The following IRAG2 variants were observed in gnomAD, a reference collection of about 807,000 sequenced individuals.
IRAG2 encodes the protein inositol 1,4,5-triphosphate receptor associated 2.
Under a neutral mutation model 69.9 loss-of-function variants are expected in IRAG2, and 45 were observed. The observed-to-expected ratio is 0.64, with a 90% CI of 0.51 to 0.83. The LOEUF is 0.83. IRAG2 is among the 40% of genes least tolerant of loss of function. IRAG2 has a pLI of 0.00. For synonymous variants in IRAG2, 193 were observed against 202.4 expected, an observed-to-expected ratio of 0.95 and a Z score of 0.40; for missense variants, 520 against 587.0, an observed-to-expected ratio of 0.89 and a Z score of 1.18.
intron 5 of IRAG2, among the ~76,000 whole-genome samples, chr12:25,067,675 A>G (rs972600257): frequency 6.6e-6 from 1 of 151,844 alleles, no homozygotes; most frequent in Admixed American, 6.6e-5. Flanking sequence ...ATTTATTTAA[A>G]TTTATTTTTT....
chr12:25,097,824 A>G (rs1304575919), intron 15 of IRAG2, among the ~76,000 whole-genome samples: 1 of 152,192 alleles, frequency 6.6e-6, no homozygotes, highest in Non-Finnish European at 1.5e-5. Context: ...AAGCCTTACT[A>G]ATTTCCCGTG....
At chr12:25,099,748 T>C (rs941932441) in intron 15 of IRAG2, among the ~76,000 whole-genome samples, 2 of 152,100 alleles carry the variant, frequency 1.3e-5, no homozygotes, top group Non-Finnish European at 2.9e-5. Flanking sequence ...ACGCCTGTAA[T>C]CCTAGCACCT....
intron 6 of IRAG2, among the ~76,000 whole-genome samples, chr12:25,017,730 A>G (rs927771266): frequency 6.7e-5 from 10 of 150,090 alleles, no homozygotes; most frequent in Non-Finnish European, 1.5e-4. Context: ...AAAAAAAACC[A>G]ACAAAAAAAA....
chr12:25,082,735 C>A (rs1478303995), intron 9 of IRAG2, among the ~76,000 whole-genome samples: 1 of 152,036 alleles, frequency 6.6e-6, no homozygotes, highest in African/African-American at 2.4e-5. Context: ...ATAAATTTTA[C>A]AAATATAATA....
chr12:25,012,072 G>A (rs923147038), intron 3 of IRAG2, among the ~76,000 whole-genome samples: 4 of 151,516 alleles, frequency 2.6e-5, no homozygotes, highest in African/African-American at 9.7e-5. Flanking sequence ...GGAGGAGAAG[G>A]GCACCCCATG....
At chr12:25,011,719 A>G (rs1407156007) in intron 3 of IRAG2, among the ~76,000 whole-genome samples, 1 of 152,226 alleles carries the variant, frequency 6.6e-6, no homozygotes, top group Non-Finnish European at 1.5e-5. Context: ...TCCCACCATC[A>G]TGATTCAGCA....
intron 10 of IRAG2, among the ~76,000 whole-genome samples, chr12:25,031,823 C>T (rs867371558): frequency 4.6e-5 from 7 of 152,228 alleles, no homozygotes; most frequent in South Asian, 4.1e-4. Context: ...CCACCACACC[C>T]GGCTAATTTT....
intron 9 of IRAG2, among the ~76,000 whole-genome samples, chr12:25,029,729 G>A (rs528435822): frequency 1.3e-5 from 2 of 151,800 alleles, no homozygotes; most frequent in Admixed American, 6.6e-5. Flanking sequence ...CACCTGGGCT[G>A]AAGTGCAATG....
intron 5 of IRAG2, among the ~76,000 whole-genome samples, chr12:25,016,320 G>C (rs1290224700): frequency 6.6e-6 from 1 of 152,148 alleles, no homozygotes; most frequent in East Asian, 1.9e-4. Flanking sequence ...TAAAGGATTT[G>C]TGAACTGATA....
chr12:25,005,708 G>A (rs890512007), intron 2 of IRAG2, among the ~76,000 whole-genome samples: 7 of 152,178 alleles, frequency 4.6e-5, no homozygotes, highest in Non-Finnish European at 8.8e-5. Flanking sequence ...CAAAATTTTA[G>A]TTAATTTTGG....
At chr12:25,025,275 C>T (rs1037531927) in intron 8 of IRAG2, among the ~76,000 whole-genome samples, 1 of 152,178 alleles carries the variant, frequency 6.6e-6, no homozygotes, top group Non-Finnish European at 1.5e-5. Context: ...CCTTATGAAG[C>T]TAATCCTTTG....
chr12:25,048,830 C>A (rs190928784), upstream of IRAG2, among the ~76,000 whole-genome samples: 3 of 152,288 alleles, frequency 2.0e-5, no homozygotes, highest in East Asian at 5.8e-4. Context: ...GTTGTGAAAT[C>A]TTTGCCTGTG....
chr12:25,002,649 C>CTTTTTT (rs374969962), upstream of IRAG2, among the ~76,000 whole-genome samples: 57 of 145,516 alleles, frequency 3.9e-4, 2 homozygotes, highest in Non-Finnish European at 5.0e-4. Flanking sequence ...TTCTTCTTTT[C>CTTTTTT]TTTTTTTTTT....
chr12:25,017,306 G>A (rs1301814034), intron 6 of IRAG2: 6 of 1,231,970 alleles, frequency 4.9e-6, no homozygotes, highest in African/African-American at 1.6e-5. Flanking sequence ...AGCCACAGTG[G>A]GGTCCAGTGT....
At chr12:25,017,363 A>G in intron 6 of IRAG2, 2 of 1,152,898 alleles carry the variant, frequency 1.7e-6, no homozygotes, top group Non-Finnish European at 2.2e-6. Flanking sequence ...AACCTTTTAA[A>G]TATTGAGAGT....
chr12:25,015,155 G>GTTTTTT (rs11352951), intron 3 of IRAG2: 4 of 897,074 alleles, frequency 4.5e-6, no homozygotes, highest in African/African-American at 2.4e-5. Flanking sequence ...CACTGGTTTT[G>GTTTTTT]TTTTTTTTTT....
intron 1 of IRAG2, among the ~76,000 whole-genome samples, chr12:25,055,475 A>G (rs1042508418): frequency 1.1e-4 from 16 of 152,162 alleles, no homozygotes; most frequent in African/African-American, 3.9e-4. Flanking sequence ...TTTTTTTATT[A>G]TACTTATGTT....
chr12:25,074,808 C>A (rs1946573483), intron 6 of IRAG2, among the ~76,000 whole-genome samples: 1 of 152,166 alleles, frequency 6.6e-6, no homozygotes, highest in Non-Finnish European at 1.5e-5. Context: ...TTTGCGTTAT[C>A]CTTCATGTTA....
At chr12:25,089,919 G>A (rs999979078) in intron 13 of IRAG2, 129 bp downstream of exon 13, 5 of 1,283,550 alleles carry the variant, frequency 3.9e-6, no homozygotes, top group Non-Finnish European at 5.6e-6. Context: ...ACTCAGTGCA[G>A]GTGAACCCTG....
Sources: allele counts gnomAD v4.1 joint callset (sites outside exome capture counted in the v4.1 genomes callset), GRCh38; gene constraint gnomAD v4.1.1; transcripts MANE v1.5; gene names NCBI Gene and HGNC (gene_info 2026-07-23, HGNC 2026-07-21).